Variants in SCUBE3 observed in about 807,000 individuals in gnomAD.
The protein encoded by SCUBE3 is signal peptide, CUB domain and EGF like domain containing 3, also known as signal peptide, CUB and EGF-like domain-containing protein 3.
SCUBE3 carries 33 observed loss-of-function variants against 116.8 expected under a neutral mutation model. The observed-to-expected ratio is 0.28, with a 90% CI of 0.21 to 0.38. SCUBE3 has a LOEUF of 0.38. Ranked by LOEUF, SCUBE3 falls within the 10% of genes least tolerant of loss-of-function variation. SCUBE3 has a pLI of 1.00. For synonymous variants in SCUBE3, 418 were observed against 496.9 expected (o/e 0.84, Z 2.11); for missense variants, 1,007 against 1,324.8 (o/e 0.76, Z 3.72).
At chr6:35,220,222 G>A (rs910436648) in intron 1 of SCUBE3, 3 of 152,168 alleles carry the variant, frequency 2.0e-5, no homozygotes, top group African/African-American at 7.2e-5. Flanking sequence ...GAGAGCACTG[G>A]ACTGGGAGTT....
rs370616266 is a variant in SCUBE3, at chr6:35,249,560, A to C, written c.*855A>C. ...CTAGACACAGAACAATTGGAAGTCA[A>C]CTTCAAACACTAATCCCTTTTCTTG... On this transcript the variant is annotated 3_prime_UTR_variant, in exon 22 of 22. Coordinates refer to ENST00000274938, the MANE Select transcript of SCUBE3 (RefSeq NM_152753.4). 2.0e-5 allele frequency: 3 copies of C among 152,328 alleles called. No individual in the cohort carries two copies. Among genetic ancestry groups the C allele is most frequent in the African/African-American group, 7.2e-5 (3 of 41,474 alleles). The allele number at this position is 152,328 out of a possible 1,614,324, so 9.4% of individuals were successfully genotyped here.
intron 1 of SCUBE3, chr6:35,223,320 G>A (rs1463133938): frequency 6.6e-6 from 1 of 152,222 alleles, no homozygotes; most frequent in Non-Finnish European, 1.5e-5. Flanking sequence ...GTACTATGAT[G>A]AATATTATTC....
At position 35,246,275 on chromosome 6, in the gene SCUBE3, A is replaced by G; in HGVS notation, c.2822A>G (p.Glu941Gly). The G allele has an allele frequency of 6.2e-7, 1 of 1,609,194 alleles. No individual in the cohort carries two copies. Among genetic ancestry groups the G allele is most frequent in the Non-Finnish European group, 8.5e-7 (1 of 1,175,474 alleles). ...CTCTATGCCTCTGAAAACCACCAGG[A>G]GATTTTAAAGGTGAATGAATATTAA... is the stretch of plus-strand genomic sequence containing the variant. ...GRLYASENHQ[E>G]ILKDKKLIKA... Residue 941 changes from glutamate (E) to glycine (G), a missense_variant, in exon 21 of 22, where the codon GAG becomes GGG. Physicochemically the swap from Glu to Gly is moderately conservative, Grantham distance 98. This residue lies in a region of SCUBE3 where 118 missense variants were observed against 196.6 expected (regional missense o/e 0.60). Coordinates refer to ENST00000274938, the MANE Select transcript of SCUBE3 (RefSeq NM_152753.4).
At chr6:35,238,301 C>T (rs761103240) in intron 7 of SCUBE3, among the ~76,000 whole-genome samples, 1 of 152,128 alleles carries the variant, frequency 6.6e-6, no homozygotes, top group Non-Finnish European at 1.5e-5. Context: ...AATGGACATG[C>T]GATTCACATT....
At position 35,248,238 on chromosome 6, in the gene SCUBE3, G is replaced by A. The variant is rs1264080414; in HGVS notation, c.2833-318G>A. Among the ~76,000 whole-genome samples, 3 of 152,174 alleles carry A rather than the reference G, an allele frequency of 2.0e-5. No individual in the cohort carries two copies. The East Asian group carries it at 5.8e-4, about 29-fold the overall frequency. On this transcript the variant is annotated intron_variant, in intron 21 of 21. Coordinates refer to ENST00000274938, the MANE Select transcript of SCUBE3 (RefSeq NM_152753.4). Reference sequence around the variant, plus strand: ...CCAAGTCAGAGACAGTGGTGGCTTGGGAAGATGATAAGTGGTCAGACCCAG... The same window carrying A: ...CCAAGTCAGAGACAGTGGTGGCTTGAGAAGATGATAAGTGGTCAGACCCAG...
At chr6:35,237,583 C>G (rs1396480624) in intron 6 of SCUBE3, among the ~76,000 whole-genome samples, 1 of 152,146 alleles carries the variant, frequency 6.6e-6, no homozygotes, top group Non-Finnish European at 1.5e-5. Context: ...CCCTACTGCC[C>G]CCCGCCCCAC....
At position 35,241,517 on chromosome 6, in the gene SCUBE3, T is replaced by A. The variant is rs1405813927; in HGVS notation, c.1196-26T>A. ...ACTGAGGGAAAGGAATGCATTCATTTGCTCAGGCCTCTCTCCCCTTCCTAG... is the reference window on the plus strand; with the variant it reads ...ACTGAGGGAAAGGAATGCATTCATTAGCTCAGGCCTCTCTCCCCTTCCTAG... On this transcript the variant is annotated intron_variant, in intron 10 of 21. Coordinates refer to ENST00000274938, the MANE Select transcript of SCUBE3 (RefSeq NM_152753.4). This position sits in a 1 kb window ranked among gnomAD's most constrained non-coding sequence, Gnocchi z 4.1. The A allele has an allele frequency of 6.6e-7, 1 of 1,514,136 alleles. No homozygotes were observed. Among genetic ancestry groups the A allele is most frequent in the African/African-American group, 1.4e-5 (1 of 73,106 alleles). The allele number at this position is 1,514,136 out of a possible 1,614,324, so 93.8% of individuals were successfully genotyped here. A position where few individuals can be genotyped will look rare whatever the true frequency, so the allele number is the denominator to read the frequency against.
rs1477073740 is a variant in SCUBE3 at position 35,245,427 on chromosome 6, TG to T, written c.2599+5del. 1 of 1,613,606 alleles carries T rather than the reference TG, an allele frequency of 6.2e-7. No individual in the cohort carries two copies. Among genetic ancestry groups the T allele is most frequent in the South Asian group, 1.1e-5 (1 of 91,052 alleles). ...ACGTCCTCGTCATGAGAAAGAACTG[TG>T]GGTGGCTTGCAGAGCTGGGCCAGGG... On this transcript the variant is annotated splice_donor_region_variant and intron_variant, in intron 19 of 21. Transcript: ENST00000274938. This position sits in a 1 kb window ranked among gnomAD's most constrained non-coding sequence, Gnocchi z 4.2.
At chr6:35,242,465 G>A in intron 13 of SCUBE3, 145 bp downstream of exon 13, 3 of 889,698 alleles carry the variant, frequency 3.4e-6, no homozygotes, top group Non-Finnish European at 5.4e-6. Context: ...AGCACCCAAG[G>A]AAGTCCCAGA....
In SCUBE3 at chr6:35,246,114, G is replaced by A. The variant is rs772827217; in HGVS notation, c.2752+18G>A. Reference sequence around the variant, plus strand: ...CTATGATGGTAAGCCAAGGAGGTGGGTGAGAAGGGGAGGTATGTCAGTTTT... The same window carrying A: ...CTATGATGGTAAGCCAAGGAGGTGGATGAGAAGGGGAGGTATGTCAGTTTT... On this transcript the variant is annotated intron_variant, in intron 20 of 21. Coordinates refer to ENST00000274938, the MANE Select transcript of SCUBE3 (RefSeq NM_152753.4). 3.1e-6 allele frequency: 5 copies of A among 1,613,902 alleles called. No homozygotes were observed. In the East Asian group the frequency reaches 1.1e-4, roughly 36 times the overall value.
rs199585730 is a variant in SCUBE3 at position 35,244,696 on chromosome 6, T to C, written c.2286T>C (p.Cys762=). 82 of 1,614,180 alleles carry C rather than the reference T, an allele frequency of 5.1e-5. No individual in the cohort carries two copies. In the Admixed American group the frequency reaches 1.3e-3, roughly 26 times the overall value. Residue 762 remains cysteine, a synonymous_variant, in exon 18 of 22, where the codon TGT becomes TGC. Transcript: ENST00000274938. This position sits in a 1 kb window ranked among gnomAD's most constrained non-coding sequence, Gnocchi z 4.3. ...GHYYNTSIHR[C]IRCAMGSYQP... ...ACTACAACACCAGCATCCACCGCTG[T>C]ATTCGCTGTGCCATGGGCTCCTATC...
At chr6:35,246,515 C>G (rs1199278922) in intron 21 of SCUBE3, among the ~76,000 whole-genome samples, 1 of 152,124 alleles carries the variant, frequency 6.6e-6, no homozygotes, top group Admixed American at 6.5e-5. Flanking sequence ...CCGACTGCAG[C>G]GTCACCCACA....
At position 35,241,625 on chromosome 6, in the gene SCUBE3, C is replaced by T. The variant is rs1174715253; in HGVS notation, c.1278C>T (p.Ala426=). The T allele has an allele frequency of 6.2e-7, 1 of 1,614,084 alleles. No homozygotes were observed. Among genetic ancestry groups the T allele is most frequent in the Admixed American group, 1.7e-5 (1 of 60,028 alleles). Residue 426 remains alanine, a synonymous_variant, in exon 11 of 22, where the codon GCC becomes GCT. Transcript: ENST00000274938. The surrounding 1 kb of genome is among the most constrained non-coding windows in gnomAD (Gnocchi z 4.1). ...GGTCTGGCAAGAAGGACACCTGTGCCCTGACCTGTCCCTCCAGGGCCCGAT... is the reference window on the plus strand; with the variant it reads ...GGTCTGGCAAGAAGGACACCTGTGCTCTGACCTGTCCCTCCAGGGCCCGAT... ...CNRSGKKDTC[A]LTCPSRARFL... is the part of the protein sequence containing the mutation.
chr6:35,238,528 C>G (rs765468392), intron 7 of SCUBE3, among the ~76,000 whole-genome samples: 2 of 152,186 alleles, frequency 1.3e-5, no homozygotes, highest in Non-Finnish European at 2.9e-5. Flanking sequence ...CTGTCTCCTA[C>G]TAGCTCTGTG....
rs1783047346 is a variant in SCUBE3 at position 35,219,559 on chromosome 6, T to C, written c.85+5056T>C. 6.6e-6 allele frequency among the ~76,000 whole-genome samples: 1 copy of C among 152,124 alleles called. No individual in the cohort carries two copies. Among genetic ancestry groups the C allele is most frequent in the Non-Finnish European group, 1.5e-5 (1 of 68,026 alleles). On this transcript the variant is annotated intron_variant, in intron 1 of 21. Transcript: ENST00000274938. This position sits in a 1 kb window ranked among gnomAD's most constrained non-coding sequence, Gnocchi z 4.7. ...GGATTTCTGAGCCTACACCAGGGGCTCTTCAGGTCTGGTCACTGGTGGTAA... is the reference window on the plus strand; with the variant it reads ...GGATTTCTGAGCCTACACCAGGGGCCCTTCAGGTCTGGTCACTGGTGGTAA...
intron 7 of SCUBE3, 39 bp downstream of exon 7, chr6:35,238,057 G>C (rs201205712): frequency 1.6e-6 from 2 of 1,247,958 alleles, no homozygotes; most frequent in Non-Finnish European, 2.3e-6. Context: ...GTGACCTTTG[G>C]TAAGGGGCTG....
intron 21 of SCUBE3, among the ~76,000 whole-genome samples, chr6:35,247,119 A>G (rs1267700388): frequency 6.6e-6 from 1 of 152,126 alleles, no homozygotes; most frequent in Non-Finnish European, 1.5e-5. Context: ...GTGAATCCCA[A>G]TTTAAGAAAA....
rs1784063836 is a variant in SCUBE3 at position 35,241,741 on chromosome 6, T to C, written c.1313-65T>C. The C allele has an allele frequency of 1.3e-6, 2 of 1,514,032 alleles. No homozygotes were observed. Among genetic ancestry groups the C allele is most frequent in the Non-Finnish European group, 1.8e-6 (2 of 1,088,884 alleles). The allele number at this position is 1,514,032 out of a possible 1,614,324, so 93.8% of individuals were successfully genotyped here. A position where few individuals can be genotyped will look rare whatever the true frequency, so the allele number is the denominator to read the frequency against. On this transcript the variant is annotated intron_variant, in intron 11 of 21. Coordinates refer to ENST00000274938, the MANE Select transcript of SCUBE3 (RefSeq NM_152753.4). This position sits in a 1 kb window ranked among gnomAD's most constrained non-coding sequence, Gnocchi z 4.1. Reference sequence around the variant, plus strand: ...GTTCAGGCAGCTCCTTCATTCCCCCTGGATTCCTCCAGCCAGCGGGGGTTG... The same window carrying C: ...GTTCAGGCAGCTCCTTCATTCCCCCCGGATTCCTCCAGCCAGCGGGGGTTG...
rs1303554759 is a variant in SCUBE3, at chr6:35,214,494, G to A, written c.76G>A (p.Ala26Thr). The change falls in exon 1 of 22, where the codon GCC (alanine) becomes ACC (threonine). Residue 26 changes from alanine to threonine, a missense_variant. Physicochemically the swap from Ala to Thr is moderately conservative, Grantham distance 58. This residue lies in a region of SCUBE3 where 94 missense variants were observed against 92.0 expected (regional missense o/e 1.02). Coordinates refer to ENST00000274938, the MANE Select transcript of SCUBE3 (RefSeq NM_152753.4). The surrounding 1 kb of genome is among the most constrained non-coding windows in gnomAD (Gnocchi z 6.3). ...CGCCCGCGCCGCCCAGTACAGCAAA[G>A]CCGCGCAAGGTAAGGAAGGAGGGGC... ...VHARAAQYSK[A>T]AQDVDECVEG... 6 of 1,499,092 alleles carry A rather than the reference G, an allele frequency of 4.0e-6. No homozygotes were observed. The highest frequency in any genetic ancestry group is 4.4e-6 in the Non-Finnish European group (5 of 1,127,158). The allele number at this position is 1,499,092 out of a possible 1,614,324, so 92.9% of individuals were successfully genotyped here.
Sources: allele counts gnomAD v4.1 joint callset (sites outside exome capture counted in the v4.1 genomes callset), GRCh38; gene constraint gnomAD v4.1.1; regional missense constraint gnomAD v4.1.1; non-coding constraint Gnocchi (gnomAD v3.1); transcripts MANE v1.5; gene names NCBI Gene and HGNC (gene_info 2026-07-23, HGNC 2026-07-21).